The following PTPRD variants were observed in gnomAD, a reference collection of about 807,000 sequenced individuals.
The protein encoded by PTPRD is receptor-type tyrosine-protein phosphatase delta.
In PTPRD, 34 loss-of-function variants were observed where a neutral mutation model predicts 214.5. The ratio of observed to expected loss-of-function variants is 0.16; its 90% confidence interval spans 0.12 to 0.21. PTPRD has a LOEUF of 0.21. Ranked by LOEUF, PTPRD falls within the 10% of genes least tolerant of loss-of-function variation. The pLI is 1.00. For missense variants in PTPRD, 2,545 were observed against 2,398.7 expected (o/e 1.06, Z -1.27); for synonymous variants, 1,128 against 845.7 (o/e 1.33, Z -5.79).
chr9:8,500,709 G>A (rs757424231), intron 24 of PTPRD, 45 bp downstream of exon 24: 1 of 1,583,116 alleles, frequency 6.3e-7, no homozygotes, highest in Non-Finnish European at 8.6e-7. Context: ...AGCAGATCAA[G>A]ACTGTGTCAG....
intron 3 of PTPRD, among the ~76,000 whole-genome samples, chr9:10,286,508 A>G (rs1424510377): frequency 2.6e-5 from 4 of 152,088 alleles, no homozygotes; most frequent in South Asian, 4.1e-4. Flanking sequence ...AAAGGTTCTT[A>G]GCCTTAAATC....
intron 3 of PTPRD, among the ~76,000 whole-genome samples, chr9:10,300,810 C>T (rs533837939): frequency 6.6e-6 from 1 of 152,054 alleles, no homozygotes. Context: ...GACCGAGCAC[C>T]TGGGGGAAGG....
intron 8 of PTPRD, among the ~76,000 whole-genome samples, chr9:9,480,739 C>T (rs968314970): frequency 4.0e-5 from 6 of 151,774 alleles, no homozygotes; most frequent in African/African-American, 1.5e-4. Flanking sequence ...ATTTAGGATG[C>T]AATAGTCTTG....
intron 2 of PTPRD, among the ~76,000 whole-genome samples, chr9:10,393,897 T>C (rs899054203): frequency 2.7e-5 from 4 of 148,504 alleles, no homozygotes; most frequent in Non-Finnish European, 5.9e-5. Flanking sequence ...TAAATCCATA[T>C]TGTGGATATA....
At chr9:8,844,316 G>C (rs1035768206) in intron 11 of PTPRD, among the ~76,000 whole-genome samples, 4 of 151,992 alleles carry the variant, frequency 2.6e-5, no homozygotes, top group Non-Finnish European at 5.9e-5. Flanking sequence ...CTTTCCTTCT[G>C]TATAATGAAA....
intron 10 of PTPRD, among the ~76,000 whole-genome samples, chr9:9,085,923 C>T (rs1447244037): frequency 6.6e-6 from 1 of 152,166 alleles, no homozygotes. Context: ...CCCTAAGCTG[C>T]TCACTTTTTA....
chr9:9,916,088 A>T lies in PTPRD; in HGVS notation c.-368+22419T>A, dbSNP rs190055786. Among the ~76,000 whole-genome samples the T allele has an allele frequency of 1.1e-4, 17 of 150,504 alleles. No homozygotes were observed. In the East Asian group the frequency reaches 3.4e-3, roughly 30 times the overall value. ...ATCCAAAGTACTAAAATTAAAAAAAAAAAAACAAAAAACTGTCAGCTACAA... is the reference window on the plus strand; with the variant it reads ...ATCCAAAGTACTAAAATTAAAAAAATAAAAACAAAAAACTGTCAGCTACAA... On this transcript the variant is annotated intron_variant, in intron 5 of 45. Coordinates refer to ENST00000381196, the MANE Select transcript of PTPRD (RefSeq NM_002839.4).
intron 11 of PTPRD, among the ~76,000 whole-genome samples, chr9:8,761,670 G>A (rs532243612): frequency 5.9e-5 from 9 of 152,144 alleles, no homozygotes; most frequent in African/African-American, 2.2e-4. Flanking sequence ...TCATCTACAT[G>A]GATAATTTTA....
At chr9:9,409,668 C>G (rs1237350322) in intron 8 of PTPRD, among the ~76,000 whole-genome samples, 1 of 151,960 alleles carries the variant, frequency 6.6e-6, no homozygotes, top group Non-Finnish European at 1.5e-5. Flanking sequence ...GAATCAGTAA[C>G]TACAATAAGC....
intron 10 of PTPRD, among the ~76,000 whole-genome samples, chr9:9,060,839 T>C (rs1297770516): frequency 6.6e-6 from 1 of 152,200 alleles, no homozygotes; most frequent in Non-Finnish European, 1.5e-5. Flanking sequence ...ATAATTAAAA[T>C]GTCTAACAAT....
At chr9:8,957,379 T>G (rs1320436511) in intron 11 of PTPRD, among the ~76,000 whole-genome samples, 1 of 151,784 alleles carries the variant, frequency 6.6e-6, no homozygotes, top group East Asian at 1.9e-4. Context: ...TCATTTTTTT[T>G]TATAGCCTTG....
intron 3 of PTPRD, among the ~76,000 whole-genome samples, chr9:10,161,431 C>T (rs931467940): frequency 1.8e-4 from 27 of 151,590 alleles, no homozygotes; most frequent in Non-Finnish European, 3.1e-4. Context: ...ACAAAGGTAC[C>T]AAGAACTTAC....
At chr9:8,512,564 G>C (rs938119441) in intron 21 of PTPRD, among the ~76,000 whole-genome samples, 1 of 151,892 alleles carries the variant, frequency 6.6e-6, no homozygotes, top group Non-Finnish European at 1.5e-5. Context: ...CAATGTCATA[G>C]CTTATATTTT....
At chr9:9,774,087 T>C (rs2098776630) in intron 5 of PTPRD, among the ~76,000 whole-genome samples, 1 of 152,152 alleles carries the variant, frequency 6.6e-6, no homozygotes. Context: ...CTTGTTCAAG[T>C]CATAGTGCTC....
chr9:8,359,163 A>G (rs1190782781), intron 39 of PTPRD, among the ~76,000 whole-genome samples: 1 of 143,912 alleles, frequency 6.9e-6, no homozygotes, highest in African/African-American at 2.5e-5. Context: ...ATCAGATTTT[A>G]GATTCGGCAG....
chr9:10,485,342 C>A (rs1408641858), intron 2 of PTPRD, among the ~76,000 whole-genome samples: 1 of 151,932 alleles, frequency 6.6e-6, no homozygotes, highest in Non-Finnish European at 1.5e-5. Context: ...TTAGACTATT[C>A]TGAGTCTTTT....
intron 4 of PTPRD, among the ~76,000 whole-genome samples, chr9:9,956,280 T>TAAAAA (rs202114228): frequency 1.6e-5 from 2 of 127,574 alleles, no homozygotes; most frequent in Non-Finnish European, 1.7e-5. Flanking sequence ...AAGTCAAACT[T>TAAAAA]AAAAAAAAAA....
chr9:9,315,369 T>C (rs1462211107), intron 9 of PTPRD, among the ~76,000 whole-genome samples: 1 of 151,994 alleles, frequency 6.6e-6, no homozygotes, highest in Non-Finnish European at 1.5e-5. Flanking sequence ...TTATTGACAA[T>C]ATTGCTACAA....
intron 7 of PTPRD, among the ~76,000 whole-genome samples, chr9:9,714,599 C>G (rs1409943845): frequency 1.3e-5 from 2 of 152,092 alleles, no homozygotes; most frequent in Non-Finnish European, 2.9e-5. Flanking sequence ...TTTAGCATAT[C>G]TTGCAGAAAA....
Sources: gnomAD v4.1 joint callset for allele counts (sites outside exome capture counted in the v4.1 genomes callset) on GRCh38, gnomAD v4.1.1 for gene constraint, MANE v1.5 for transcripts, NCBI Gene and HGNC (gene_info 2026-07-23, HGNC 2026-07-21) for gene names.